Variants in SEMA6D observed in about 807,000 individuals in gnomAD.
SEMA6D encodes semaphorin 6D.
SEMA6D carries 35 observed loss-of-function variants against 106.6 expected under a neutral mutation model. The observed-to-expected ratio is 0.33, with a 90% CI of 0.25 to 0.44. The LOEUF is 0.44. Ranked by LOEUF, SEMA6D falls within the 20% of genes least tolerant of loss-of-function variation. The pLI is 1.00. For missense variants in SEMA6D, 1,185 were observed against 1,345.9 expected (o/e 0.88, Z 1.87); for synonymous variants, 499 against 487.7 (o/e 1.02, Z -0.31).
At chr15:47,436,438 A>G (rs2041705028) in intron 2 of SEMA6D, among the ~76,000 whole-genome samples, 1 of 151,420 alleles carries the variant, frequency 6.6e-6, no homozygotes, top group Non-Finnish European at 1.5e-5. Flanking sequence ...ATGTGCTGAG[A>G]TTTGGGGTTG....
chr15:47,659,497 T>G (rs2077873556), intron 4 of SEMA6D, among the ~76,000 whole-genome samples: 1 of 151,986 alleles, frequency 6.6e-6, no homozygotes, highest in Admixed American at 6.5e-5. Flanking sequence ...ATTATAAGAA[T>G]AAATAGGATC....
chr15:47,730,447 C>G, intron 1 of SEMA6D: 1 of 1,392,582 alleles, frequency 7.2e-7, no homozygotes, highest in South Asian at 1.2e-5. Context: ...AGACAACCAG[C>G]TCGATGGGAT....
chr15:47,372,021 C>T (rs1355703129), intron 1 of SEMA6D, among the ~76,000 whole-genome samples: 1 of 152,190 alleles, frequency 6.6e-6, no homozygotes, highest in Non-Finnish European at 1.5e-5. Context: ...TTGCCAGTCC[C>T]CATGCAGGCA....
intron 8 of SEMA6D, among the ~76,000 whole-genome samples, chr15:47,762,598 T>C (rs2082121251): frequency 6.6e-6 from 1 of 152,286 alleles, no homozygotes; most frequent in African/African-American, 2.4e-5. Flanking sequence ...ACTTTCTAAA[T>C]GCACATAATA....
rs200302725 is a variant in SEMA6D at position 47,407,408 on chromosome 15, AC to A, written c.-238-4984del. 8.6e-3 allele frequency among the ~76,000 whole-genome samples: 1,222 copies of A among 142,614 alleles called. 40 individuals are homozygous for A. The highest frequency in any genetic ancestry group is 0.019 in the African/African-American group (730 of 38,710). 93.6% of individuals were successfully genotyped at this position (142,614 alleles called of 152,430 possible). On this transcript the variant is annotated intron_variant, in intron 1 of 19. Coordinates refer to the SEMA6D transcript ENST00000558014. ...AAAAACCAAAACAACAACAACAACA[AC>A]AAAAAAAACAAAAAAAACAAACAAA...
chr15:47,417,831 T>C (rs1338562418), intron 2 of SEMA6D, among the ~76,000 whole-genome samples: 3 of 152,110 alleles, frequency 2.0e-5, no homozygotes, highest in Non-Finnish European at 2.9e-5. Flanking sequence ...ATCCATTTTT[T>C]TTTTTGCAAT....
At chr15:47,215,198 T>C (rs1295061985) in intron 1 of SEMA6D, among the ~76,000 whole-genome samples, 1 of 121,706 alleles carries the variant, frequency 8.2e-6, no homozygotes, top group Non-Finnish European at 1.8e-5. Flanking sequence ...TCTACCTGAA[T>C]CTAAACAGAA....
intron 1 of SEMA6D, among the ~76,000 whole-genome samples, chr15:47,202,308 G>A (rs1190484914): frequency 6.6e-6 from 1 of 152,020 alleles, no homozygotes; most frequent in African/African-American, 2.4e-5. Context: ...AACTGAAACG[G>A]GTGATCAACA....
chr15:47,733,691 T>G (rs1296145565), intron 1 of SEMA6D, among the ~76,000 whole-genome samples: 1 of 152,194 alleles, frequency 6.6e-6, no homozygotes, highest in Admixed American at 6.5e-5. Context: ...TAGGATAATA[T>G]TTCTACCAAA....
intron 4 of SEMA6D, among the ~76,000 whole-genome samples, chr15:47,654,191 A>G (rs1566963094): frequency 6.6e-6 from 1 of 152,178 alleles, no homozygotes; most frequent in Non-Finnish European, 1.5e-5. Flanking sequence ...CTAGATCACC[A>G]TTTATACCAC....
intron 3 of SEMA6D, among the ~76,000 whole-genome samples, chr15:47,533,069 T>C (rs1275347738): frequency 6.6e-6 from 1 of 152,238 alleles, no homozygotes; most frequent in Admixed American, 6.5e-5. Context: ...ATGTTATTAA[T>C]ACTTTAAGTG....
chr15:47,421,052 G>A (rs1173476586), intron 2 of SEMA6D, among the ~76,000 whole-genome samples: 1 of 152,106 alleles, frequency 6.6e-6, no homozygotes, highest in Non-Finnish European at 1.5e-5. Context: ...ACTTTTTATT[G>A]AAAGTAGATG....
intron 1 of SEMA6D, among the ~76,000 whole-genome samples, chr15:47,370,782 T>C (rs1301189912): frequency 6.7e-6 from 1 of 149,056 alleles, no homozygotes; most frequent in Non-Finnish European, 1.5e-5. Context: ...AGGAGAATCG[T>C]TTGACTCCCT....
chr15:47,648,675 G>GA (rs1566959198), intron 4 of SEMA6D, among the ~76,000 whole-genome samples: 1 of 152,110 alleles, frequency 6.6e-6, no homozygotes, highest in Non-Finnish European at 1.5e-5. Context: ...GGCACTCACT[G>GA]ATTTACCAAA....
At chr15:47,579,760 C>T (rs1431216587) in intron 3 of SEMA6D, among the ~76,000 whole-genome samples, 1 of 152,044 alleles carries the variant, frequency 6.6e-6, no homozygotes, top group African/African-American at 2.4e-5. Flanking sequence ...CATAAATAAT[C>T]GTAAATATAT....
At chr15:47,270,460 T>A (rs909903143) in intron 1 of SEMA6D, among the ~76,000 whole-genome samples, 2 of 151,778 alleles carry the variant, frequency 1.3e-5, no homozygotes, top group African/African-American at 4.8e-5. Flanking sequence ...TTTTCCTTCT[T>A]TTTTTTTCCT....
At chr15:47,304,398 A>G (rs1395996850) in intron 1 of SEMA6D, among the ~76,000 whole-genome samples, 2 of 141,392 alleles carry the variant, frequency 1.4e-5, no homozygotes, top group East Asian at 4.6e-4. Flanking sequence ...GTGAGCTGAG[A>G]TCATGCCACT....
intron 1 of SEMA6D, among the ~76,000 whole-genome samples, chr15:47,348,718 CCACACACACAGAGAGAGAGAGAGAGAG>C (rs762836895): frequency 6.2e-5 from 3 of 48,010 alleles, no homozygotes; most frequent in African/African-American, 1.2e-4. Flanking sequence ...CACACACACA[CCACACACACAGAGAGAGAGAGAGAGAG>C]AGAGAGAGAG....
At chr15:47,282,330 G>A (rs921194105) in intron 1 of SEMA6D, among the ~76,000 whole-genome samples, 1 of 151,896 alleles carries the variant, frequency 6.6e-6, no homozygotes, top group Admixed American at 6.6e-5. Flanking sequence ...TGTGCTCTTT[G>A]TGTCGGCTTC....
Sources: gnomAD v4.1 joint callset for allele counts (sites outside exome capture counted in the v4.1 genomes callset) on GRCh38, gnomAD v4.1.1 for gene constraint, MANE v1.5 for transcripts, NCBI Gene and HGNC (gene_info 2026-07-23, HGNC 2026-07-21) for gene names.